Variants in GRIA1 observed in about 807,000 individuals in gnomAD.
GRIA1 encodes the protein glutamate receptor 1.
A neutral mutation model predicts 99.2 loss-of-function variants in GRIA1; 31 were observed. The ratio of observed to expected loss-of-function variants is 0.31; its 90% CI spans 0.23 to 0.42. The LOEUF (loss-of-function observed/expected upper bound fraction) is 0.42. GRIA1 is among the 10% of genes least tolerant of loss of function. GRIA1 has a pLI of 1.00. For missense variants in GRIA1, 782 were observed against 1,157.5 expected (o/e 0.68, Z 4.71); for synonymous variants, 438 against 432.4 (o/e 1.01, Z -0.16).
At chr5:153,777,014 GT>G (rs1232873664) in intron 13 of GRIA1, among the ~76,000 whole-genome samples, 7 of 152,178 alleles carry the variant, frequency 4.6e-5, no homozygotes, top group African/African-American at 1.7e-4. Flanking sequence ...AAATAAGCAA[GT>G]GCTTTTTTGT....
At chr5:153,572,492 C>A (rs190084245) in intron 2 of GRIA1, among the ~76,000 whole-genome samples, 2 of 152,236 alleles carry the variant, frequency 1.3e-5, no homozygotes, top group African/African-American at 4.8e-5. Context: ...TTTTTTGAGA[C>A]AGATTCTGAG....
intron 2 of GRIA1, among the ~76,000 whole-genome samples, chr5:153,509,818 A>G (rs1210568032): frequency 6.6e-6 from 1 of 152,214 alleles, no homozygotes; most frequent in Admixed American, 6.5e-5. Flanking sequence ...TAAGTACCCG[A>G]TAAATGAGAG....
chr5:153,726,163 G>A (rs1380584780), intron 11 of GRIA1, among the ~76,000 whole-genome samples: 1 of 151,724 alleles, frequency 6.6e-6, no homozygotes, highest in Non-Finnish European at 1.5e-5. Context: ...CAAAATGAAG[G>A]CAGAAATAAA....
intron 2 of GRIA1, among the ~76,000 whole-genome samples, chr5:153,626,142 C>T (rs1421377713): frequency 2.0e-5 from 3 of 152,058 alleles, no homozygotes; most frequent in East Asian, 1.9e-4. Context: ...ATAGTTTCCT[C>T]GTTGGGTTAT....
intron 11 of GRIA1, among the ~76,000 whole-genome samples, chr5:153,708,504 T>A (rs13173300): frequency 0.19 from 29,164 of 152,150 alleles, 2,948 homozygotes; most frequent in Non-Finnish European, 0.21. Context: ...ACTCTATGCC[T>A]CTTTTTCATT....
intron 14 of GRIA1, among the ~76,000 whole-genome samples, chr5:153,797,904 A>G (rs1765749520): frequency 6.6e-6 from 1 of 152,206 alleles, no homozygotes; most frequent in Non-Finnish European, 1.5e-5. Context: ...GACGTTACCA[A>G]TTAACACGAG....
rs144123227 is a variant in GRIA1, at chr5:153,494,187, G to T, written c.220+122G>T. The stretch of plus-strand genomic sequence containing the variant: ...TTGCCATTCGTCTTTGTAAGAGAAA[G>T]CCCTCCAAGAAAAATTTCTAGAGGC... On this transcript the variant is annotated intron_variant, in intron 2 of 15. Transcript: ENST00000285900. The T allele has an allele frequency of 6.7e-5, 71 of 1,055,636 alleles. No individual in the cohort carries two copies. The East Asian group carries it at 1.7e-3, about 25-fold the overall frequency. 65.4% of individuals were successfully genotyped at this position (1,055,636 alleles called of 1,614,324 possible). A position where few individuals can be genotyped will look rare whatever the true frequency, so the allele number is the denominator to read the frequency against.
intron 2 of GRIA1, among the ~76,000 whole-genome samples, chr5:153,610,009 G>A (rs1459370678): frequency 6.6e-6 from 1 of 152,174 alleles, no homozygotes; most frequent in African/African-American, 2.4e-5. Context: ...TATGGGGTTG[G>A]CATCATTCTA....
chr5:153,794,423 A>G (rs1236670274), intron 13 of GRIA1, among the ~76,000 whole-genome samples, 198 bp from the exon 14 acceptor site: 1 of 152,152 alleles, frequency 6.6e-6, no homozygotes, highest in Non-Finnish European at 1.5e-5. Flanking sequence ...CCTCTCCATA[A>G]TGGGAGTCAA....
At chr5:153,568,983 C>T (rs1233153485) in intron 2 of GRIA1, among the ~76,000 whole-genome samples, 1 of 151,904 alleles carries the variant, frequency 6.6e-6, no homozygotes, top group Non-Finnish European at 1.5e-5. Flanking sequence ...TGCTGAAATC[C>T]CACTTCCATC....
At chr5:153,510,409 A>T (rs1755949988) in intron 2 of GRIA1, among the ~76,000 whole-genome samples, 1 of 152,196 alleles carries the variant, frequency 6.6e-6, no homozygotes, top group Non-Finnish European at 1.5e-5. Flanking sequence ...TGTTGATCCT[A>T]GTTTAAAGTT....
intron 2 of GRIA1, among the ~76,000 whole-genome samples, chr5:153,512,889 T>A (rs143501620): frequency 2.0e-5 from 3 of 152,154 alleles, no homozygotes; most frequent in Admixed American, 1.3e-4. Flanking sequence ...GTCATGAGGA[T>A]GTCATCCTCA....
chr5:153,635,722 C>T (rs1002416481), intron 2 of GRIA1, among the ~76,000 whole-genome samples: 1 of 152,204 alleles, frequency 6.6e-6, no homozygotes, highest in Non-Finnish European at 1.5e-5. Context: ...CTGGCTGAGT[C>T]CCCACACGTG....
intron 11 of GRIA1, among the ~76,000 whole-genome samples, chr5:153,726,192 C>G (rs1366155136): frequency 6.6e-6 from 1 of 151,170 alleles, no homozygotes; most frequent in Non-Finnish European, 1.5e-5. Context: ...TTGAAACCAA[C>G]GAGAACAAAG....
At chr5:153,764,977 C>T (rs6881075) in intron 12 of GRIA1, among the ~76,000 whole-genome samples, 8,017 of 152,186 alleles carry the variant, frequency 0.053, 239 homozygotes, top group Middle Eastern at 0.13. Context: ...GAACAGCTTA[C>T]GGACAACAGC....
At chr5:153,525,971 G>A (rs1347979846) in intron 2 of GRIA1, among the ~76,000 whole-genome samples, 1 of 152,110 alleles carries the variant, frequency 6.6e-6, no homozygotes, top group Non-Finnish European at 1.5e-5. Flanking sequence ...TAGTAATTTA[G>A]CAACAGTCAC....
intron 11 of GRIA1, among the ~76,000 whole-genome samples, chr5:153,728,378 C>T (rs1488960695): frequency 6.8e-6 from 1 of 147,546 alleles, no homozygotes. Context: ...CCAAAATTGA[C>T]AAATGGGATC....
At chr5:153,516,464 T>C (rs773128284) in intron 2 of GRIA1, among the ~76,000 whole-genome samples, 2 of 151,918 alleles carry the variant, frequency 1.3e-5, no homozygotes, top group Non-Finnish European at 2.9e-5. Flanking sequence ...ATTTTACCAA[T>C]GAACAAAGGC....
At chr5:153,751,716 A>G (rs980256877) in intron 11 of GRIA1, among the ~76,000 whole-genome samples, 4 of 152,278 alleles carry the variant, frequency 2.6e-5, no homozygotes, top group African/African-American at 9.6e-5. Context: ...ATCAATAACC[A>G]GAACAAGAAA....
Sources: allele counts gnomAD v4.1 joint callset (sites outside exome capture counted in the v4.1 genomes callset), GRCh38; gene constraint gnomAD v4.1.1; transcripts MANE v1.5; gene names NCBI Gene and HGNC (gene_info 2026-07-23, HGNC 2026-07-21).